Variants in NEDD4L observed in about 807,000 individuals in gnomAD.
NEDD4L encodes E3 ubiquitin-protein ligase NEDD4-like.
Under a neutral mutation model 148.9 loss-of-function variants are expected in NEDD4L, and 54 were observed. The ratio of observed to expected loss-of-function variants is 0.36; its 90% CI spans 0.29 to 0.45. The LOEUF (loss-of-function observed/expected upper bound fraction) is 0.45, where lower values mean the gene tolerates loss of function less well. Ranked by LOEUF, NEDD4L falls within the 20% of genes least tolerant of loss-of-function variation. The pLI is 1.00. For synonymous variants in NEDD4L, 433 were observed against 440.7 expected (o/e 0.98, Z 0.22); for missense variants, 856 against 1,233.8 (o/e 0.69, Z 4.59).
At chr18:58,161,419 G>A (rs8083107) in intron 1 of NEDD4L, among the ~76,000 whole-genome samples, 19,674 of 138,498 alleles carry the variant, frequency 0.14, 1,437 homozygotes, top group East Asian at 0.22. Flanking sequence ...TAATATTTCC[G>A]TGTTTTTTTC....
At chr18:58,277,218 C>T (rs1453840696) in intron 5 of NEDD4L, among the ~76,000 whole-genome samples, 3 of 149,024 alleles carry the variant, frequency 2.0e-5, no homozygotes, top group South Asian at 4.4e-4. Context: ...CCCCATGGGT[C>T]CTGCCAGGTG....
intron 5 of NEDD4L, among the ~76,000 whole-genome samples, chr18:58,302,190 G>A (rs2056561331): frequency 6.6e-6 from 1 of 152,088 alleles, no homozygotes; most frequent in Admixed American, 6.5e-5. Flanking sequence ...CCTCTTCAGT[G>A]TATCATGTAT....
intron 1 of NEDD4L, among the ~76,000 whole-genome samples, chr18:58,059,840 G>A (rs556076556): frequency 6.6e-6 from 1 of 152,264 alleles, no homozygotes; most frequent in East Asian, 1.9e-4. Context: ...TAACCATTCC[G>A]CAGTGTGTAT....
At chr18:58,276,080 C>CA (rs1314834950) in intron 5 of NEDD4L, among the ~76,000 whole-genome samples, 1 of 151,366 alleles carries the variant, frequency 6.6e-6, no homozygotes, top group South Asian at 2.1e-4. Flanking sequence ...AAGTTAATAG[C>CA]AAAAAAATAT....
At chr18:58,203,835 TAAC>T (rs1442685081) in intron 2 of NEDD4L, among the ~76,000 whole-genome samples, 2 of 152,028 alleles carry the variant, frequency 1.3e-5, no homozygotes, top group Non-Finnish European at 2.9e-5. Context: ...ATTTGAAAAA[TAAC>T]AACTGTGTAC....
At chr18:58,143,731 C>T (rs756252385) in intron 1 of NEDD4L, among the ~76,000 whole-genome samples, 4 of 152,250 alleles carry the variant, frequency 2.6e-5, no homozygotes, top group Middle Eastern at 3.4e-3. Context: ...ATCCTTCCTG[C>T]GGGTGGTCCC....
intron 5 of NEDD4L, among the ~76,000 whole-genome samples, chr18:58,262,670 A>G (rs1351940070): frequency 6.6e-6 from 1 of 151,256 alleles, no homozygotes; most frequent in Non-Finnish European, 1.5e-5. Context: ...ATCTTCTCTC[A>G]GTGAGCATGT....
rs1490523153 is a variant in NEDD4L, at chr18:58,341,911, T to C, written c.1377+114T>C. The C allele has an allele frequency of 7.2e-6, 9 of 1,249,936 alleles. No individual in the cohort carries two copies. In the Admixed American group the frequency reaches 1.2e-4, roughly 17 times the overall value. The allele number at this position is 1,249,936 out of a possible 1,614,324, so 77.4% of individuals were successfully genotyped here. Reference sequence around the variant, plus strand: ...CCACCTCCTCTCTCTGATCAGTCGTTGTGTTGGTAGTGAAGGGTGTTCTTG... The same window carrying C: ...CCACCTCCTCTCTCTGATCAGTCGTCGTGTTGGTAGTGAAGGGTGTTCTTG... On this transcript the variant is annotated intron_variant, in intron 15 of 30. Coordinates refer to ENST00000400345, the MANE Select transcript of NEDD4L (RefSeq NM_001144967.3).
intron 1 of NEDD4L, among the ~76,000 whole-genome samples, chr18:58,102,776 C>T (rs2084833478): frequency 6.6e-6 from 1 of 152,050 alleles, no homozygotes; most frequent in Non-Finnish European, 1.5e-5. Context: ...AATCCTATAC[C>T]ATTTTATGTC....
chr18:58,314,749 G>A (rs964402904), intron 5 of NEDD4L, among the ~76,000 whole-genome samples: 10 of 152,182 alleles, frequency 6.6e-5, no homozygotes, highest in Admixed American at 1.3e-4. Flanking sequence ...TACCCAAACC[G>A]TGGTAACTTT....
At chr18:58,378,529 G>T (rs1055861423) in intron 24 of NEDD4L, among the ~76,000 whole-genome samples, 1 of 152,208 alleles carries the variant, frequency 6.6e-6, no homozygotes, top group East Asian at 1.9e-4. Context: ...GACACAGAGG[G>T]GTGGCACCTG....
chr18:58,315,809 G>C (rs987228763), intron 5 of NEDD4L, among the ~76,000 whole-genome samples, 173 bp from the exon 6 acceptor site: 3 of 152,144 alleles, frequency 2.0e-5, no homozygotes, highest in Non-Finnish European at 4.4e-5. Context: ...CCAGGCGCAC[G>C]GGCTCCTGGT....
At chr18:58,329,443 G>A (rs536896386) in intron 10 of NEDD4L, among the ~76,000 whole-genome samples, 1 of 152,062 alleles carries the variant, frequency 6.6e-6, no homozygotes, top group African/African-American at 2.4e-5. Flanking sequence ...TGCAACCTCC[G>A]CCTCCTGGGT....
At chr18:58,245,563 GC>G in intron 3 of NEDD4L, 55 bp downstream of exon 3, 2 of 940,700 alleles carry the variant, frequency 2.1e-6, no homozygotes, top group Non-Finnish European at 3.4e-6. Context: ...ATCCAATTAT[GC>G]ACAGTCATGT....
chr18:58,196,954 C>T (rs1273286685), intron 2 of NEDD4L, among the ~76,000 whole-genome samples: 2 of 151,928 alleles, frequency 1.3e-5, no homozygotes, highest in African/African-American at 2.4e-5. Context: ...AGGAGGGCAC[C>T]GAGCATGTGC....
At chr18:58,149,286 A>G (rs1046082571) in intron 1 of NEDD4L, 6 of 842,908 alleles carry the variant, frequency 7.1e-6, no homozygotes, top group Admixed American at 4.0e-5. Flanking sequence ...TCCAGGTGGC[A>G]GGTTCATAAG....
At chr18:58,348,858 C>T (rs2043480068) in intron 16 of NEDD4L, among the ~76,000 whole-genome samples, 1 of 152,064 alleles carries the variant, frequency 6.6e-6, no homozygotes, top group African/African-American at 2.4e-5. Flanking sequence ...TCTGTGGTAT[C>T]TTATGAAGCT....
chr18:58,058,361 A>G (rs1291536849), intron 1 of NEDD4L, among the ~76,000 whole-genome samples: 1 of 152,136 alleles, frequency 6.6e-6, no homozygotes, highest in African/African-American at 2.4e-5. Flanking sequence ...ATTAAAGTGT[A>G]TGGTTTGGTG....
At chr18:58,360,223 G>T (rs1000593040) in intron 19 of NEDD4L, among the ~76,000 whole-genome samples, 2 of 152,196 alleles carry the variant, frequency 1.3e-5, no homozygotes, top group Non-Finnish European at 2.9e-5. Flanking sequence ...GGCTTCTTCA[G>T]TATGGGGATT....
Sources: allele counts gnomAD v4.1 joint callset (sites outside exome capture counted in the v4.1 genomes callset), GRCh38; gene constraint gnomAD v4.1.1; transcripts MANE v1.5; gene names NCBI Gene and HGNC (gene_info 2026-07-23, HGNC 2026-07-21).